Variants in SV2C observed in about 807,000 individuals in gnomAD.
SV2C encodes the protein synaptic vesicle glycoprotein 2C, also known as solute carrier family 22 member B3.
Under a neutral mutation model 79.7 loss-of-function variants are expected in SV2C, and 49 were observed. The observed-to-expected ratio is 0.61, with a 90% confidence interval of 0.49 to 0.78. SV2C has a LOEUF of 0.78. Ranked by LOEUF, SV2C falls within the 30% of genes least tolerant of loss-of-function variation. The pLI is 0.00. For missense variants in SV2C, 833 were observed against 912.9 expected (o/e 0.91, Z 1.13); for synonymous variants, 334 against 333.2 (o/e 1.00, Z -0.03).
chr5:76,173,867 G>C (rs535939718), intron 2 of SV2C: 2 of 1,597,512 alleles, frequency 1.3e-6, no homozygotes, highest in Non-Finnish European at 1.7e-6. Flanking sequence ...AACATCATCA[G>C]TGTCTTTAAC....
At chr5:75,878,580 C>A in the SV2C span, among the ~76,000 whole-genome samples, 1 of 152,030 alleles carries the variant, frequency 6.6e-6, no homozygotes, top group Non-Finnish European at 1.5e-5. Context: ...TTTCCCCCAC[C>A]CCAGCTCATA....
the SV2C span, among the ~76,000 whole-genome samples, chr5:75,999,216 A>G: frequency 2.0e-5 from 3 of 152,114 alleles, no homozygotes; most frequent in Admixed American, 1.3e-4. Context: ...GGAATTCAAG[A>G]TGAGATTTGG....
the SV2C span, among the ~76,000 whole-genome samples, chr5:76,012,169 T>G: frequency 1.3e-5 from 2 of 152,198 alleles, no homozygotes; most frequent in Admixed American, 1.3e-4. Flanking sequence ...TTTAAGATCC[T>G]TGAGGAATCA....
the SV2C span, among the ~76,000 whole-genome samples, chr5:75,944,944 GC>G: frequency 6.6e-6 from 1 of 152,008 alleles, no homozygotes; most frequent in Non-Finnish European, 1.5e-5. Flanking sequence ...GGTCCCTGTT[GC>G]TCAAAGACTG....
the SV2C span, among the ~76,000 whole-genome samples, chr5:76,027,069 T>C: frequency 6.7e-6 from 1 of 150,198 alleles, no homozygotes; most frequent in Non-Finnish European, 1.5e-5. Flanking sequence ...CTTTTTTTTT[T>C]TTTTTTTTTG....
chr5:76,041,368 A>T, the SV2C span, among the ~76,000 whole-genome samples: 77 of 152,234 alleles, frequency 5.1e-4, no homozygotes, highest in African/African-American at 1.7e-3. Context: ...GTGTGTGAAC[A>T]TCCTAGCCTA....
chr5:76,342,425 A>G (rs1165170591), intron 12 of SV2C, among the ~76,000 whole-genome samples: 1 of 152,256 alleles, frequency 6.6e-6, no homozygotes, highest in African/African-American at 2.4e-5. Flanking sequence ...ACAGCAGGCC[A>G]AGTTTACAAA....
the SV2C span, among the ~76,000 whole-genome samples, chr5:75,898,032 C>T: frequency 2.0e-5 from 3 of 152,036 alleles, no homozygotes; most frequent in African/African-American, 4.8e-5. Flanking sequence ...AATTTGACTT[C>T]CTCTTTTCCT....
At chr5:76,251,743 C>G (rs986350993) in intron 4 of SV2C, among the ~76,000 whole-genome samples, 1 of 152,106 alleles carries the variant, frequency 6.6e-6, no homozygotes, top group Non-Finnish European at 1.5e-5. Context: ...TATCCATGCA[C>G]CTATTCTTTA....
At chr5:76,035,077 G>T in the SV2C span, among the ~76,000 whole-genome samples, 1 of 152,120 alleles carries the variant, frequency 6.6e-6, no homozygotes. Flanking sequence ...TTGTATTTCT[G>T]TGGGATCAGT....
intron 3 of SV2C, among the ~76,000 whole-genome samples, chr5:76,200,380 T>C (rs1472332842): frequency 2.6e-5 from 4 of 152,266 alleles, no homozygotes; most frequent in Non-Finnish European, 5.9e-5. Context: ...CTTTTCATTT[T>C]GCAGATTGAG....
intron 12 of SV2C, among the ~76,000 whole-genome samples, chr5:76,312,742 T>TCCCCCTTATG (rs962466250): frequency 6.6e-6 from 1 of 152,032 alleles, no homozygotes; most frequent in African/African-American, 2.4e-5. Flanking sequence ...CCCTTTTCTT[T>TCCCCCTTATG]CCCCCTTATG....
chr5:76,304,405 C>G (rs186454044), intron 12 of SV2C, among the ~76,000 whole-genome samples: 6 of 152,268 alleles, frequency 3.9e-5, no homozygotes, highest in African/African-American at 1.4e-4. Context: ...TCTAACTCAG[C>G]TATTAGAGGA....
chr5:76,031,803 A>G, the SV2C span, among the ~76,000 whole-genome samples: 7 of 152,198 alleles, frequency 4.6e-5, no homozygotes, highest in African/African-American at 1.7e-4. Flanking sequence ...TATTTCTGCT[A>G]TCGCTATATT....
intron 4 of SV2C, among the ~76,000 whole-genome samples, chr5:76,227,512 G>A (rs910981216): frequency 1.5e-4 from 23 of 152,274 alleles, no homozygotes; most frequent in African/African-American, 5.1e-4. Context: ...TTACAGAATT[G>A]TCTTTATAAT....
the SV2C span, among the ~76,000 whole-genome samples, chr5:76,056,369 T>A: frequency 6.6e-6 from 1 of 152,162 alleles, no homozygotes; most frequent in Non-Finnish European, 1.5e-5. Context: ...ATAAGCTTTT[T>A]GATGTGCTGC....
Position 76,332,008 on chromosome 5 carries a change from G to A in SV2C, c.*6461G>A, listed in dbSNP as rs1749201468. Reference sequence around the variant, plus strand: ...CGTTTGACTCCTGAAAGACCAGGATGTTCCTACCTGGGTTCTTGAGATTCA... The same window carrying A: ...CGTTTGACTCCTGAAAGACCAGGATATTCCTACCTGGGTTCTTGAGATTCA... On this transcript the variant is annotated 3_prime_UTR_variant, in exon 13 of 13. Coordinates refer to ENST00000502798, the MANE Select transcript of SV2C (RefSeq NM_014979.4). 6.6e-6 allele frequency: 1 copy of A among 152,274 alleles called. No individual in the cohort carries two copies. The highest frequency in any genetic ancestry group is 1.5e-5 in the Non-Finnish European group (1 of 68,068). 9.4% of individuals were successfully genotyped at this position (152,274 alleles called of 1,614,324 possible).
At chr5:76,050,356 A>T in the SV2C span, among the ~76,000 whole-genome samples, 1 of 152,230 alleles carries the variant, frequency 6.6e-6, no homozygotes, top group South Asian at 2.1e-4. Context: ...GCAGGATGAC[A>T]TCACTGGTAT....
chr5:75,937,432 G>C, the SV2C span, among the ~76,000 whole-genome samples: 1 of 152,120 alleles, frequency 6.6e-6, no homozygotes, highest in Non-Finnish European at 1.5e-5. Context: ...TGGGCACAGT[G>C]GCTCATGCTT....
Sources: gnomAD v4.1 joint callset for allele counts (sites outside exome capture counted in the v4.1 genomes callset) on GRCh38, gnomAD v4.1.1 for gene constraint, MANE v1.5 for transcripts, NCBI Gene and HGNC (gene_info 2026-07-23, HGNC 2026-07-21) for gene names.